The following GHR variants were observed in gnomAD, a reference collection of about 807,000 sequenced individuals.
GHR encodes growth hormone receptor, also known as GH receptor.
GHR carries 35 observed loss-of-function variants against 67.1 expected under a neutral mutation model. That is an observed-to-expected ratio of 0.52 (90% confidence interval 0.40 to 0.69). The LOEUF is 0.69. Ranked by LOEUF, GHR falls within the 30% of genes least tolerant of loss-of-function variation. The probability of loss-of-function intolerance (pLI) is 0.00; values close to 1 mark genes in which losing one functional copy is unlikely to be tolerated. For synonymous variants in GHR, 272 were observed against 269.1 expected (o/e 1.01, Z -0.10); for missense variants, 792 against 764.6 (o/e 1.04, Z -0.42).
intron 3 of GHR, among the ~76,000 whole-genome samples, chr5:42,670,871 A>AT (rs1181349214): frequency 1.1e-4 from 10 of 88,682 alleles, no homozygotes; most frequent in African/African-American, 3.6e-4. Context: ...AAATTAAAAA[A>AT]AAAAAAAAAA....
chr5:42,485,016 C>T (rs1027860721), intron 1 of GHR, among the ~76,000 whole-genome samples: 4 of 152,138 alleles, frequency 2.6e-5, no homozygotes, highest in Non-Finnish European at 1.5e-5. Flanking sequence ...GAGGTCTTTA[C>T]TGAAAGTTCA....
Position 42,473,309 on chromosome 5 carries a change from C to T in GHR, c.-12+49354C>T, listed in dbSNP as rs752189570. Among the ~76,000 whole-genome samples the T allele has an allele frequency of 4.4e-4, 67 of 152,160 alleles. 1 individual carries two copies. The highest frequency in any genetic ancestry group is 8.8e-5 in the Non-Finnish European group (6 of 68,034). ...GCAACGGCGCGATCTCGGGTCCCTG[C>T]AACCTCCGCCTCCCAGGTTCAAACA... On this transcript the variant is annotated intron_variant, in intron 1 of 9. Transcript: ENST00000230882.
chr5:42,544,395 T>C (rs1054459964), intron 1 of GHR, among the ~76,000 whole-genome samples: 13 of 152,296 alleles, frequency 8.5e-5, no homozygotes, highest in East Asian at 5.8e-4. Context: ...TTGTTAACAG[T>C]GAAACTGAAA....
intron 2 of GHR, among the ~76,000 whole-genome samples, chr5:42,585,606 G>T (rs1396423653): frequency 6.6e-6 from 1 of 152,120 alleles, no homozygotes; most frequent in Non-Finnish European, 1.5e-5. Flanking sequence ...TTTAAAGTTT[G>T]TTATTTTTGT....
chr5:42,484,035 C>T (rs1489655484), intron 1 of GHR, among the ~76,000 whole-genome samples: 3 of 151,988 alleles, frequency 2.0e-5, no homozygotes, highest in South Asian at 2.1e-4. Context: ...CTGTGCAGAA[C>T]GAGCACTAAG....
At chr5:42,491,727 G>C (rs1424781795) in intron 1 of GHR, among the ~76,000 whole-genome samples, 2 of 152,148 alleles carry the variant, frequency 1.3e-5, no homozygotes. Flanking sequence ...GAATTCCCCA[G>C]GCCCTCAAGA....
At chr5:42,442,575 G>A (rs2111961362) in intron 1 of GHR, among the ~76,000 whole-genome samples, 1 of 152,298 alleles carries the variant, frequency 6.6e-6, no homozygotes, top group East Asian at 1.9e-4. Context: ...GAGGAAATTT[G>A]TAATCAAAGT....
intron 3 of GHR, among the ~76,000 whole-genome samples, chr5:42,658,434 G>A (rs2112850972): frequency 6.6e-6 from 1 of 152,294 alleles, no homozygotes; most frequent in African/African-American, 2.4e-5. Flanking sequence ...CCACAGAAGA[G>A]TTGTGAAGAT....
At chr5:42,443,823 A>G in intron 1 of GHR, among the ~76,000 whole-genome samples, 1 of 152,124 alleles carries the variant, frequency 6.6e-6, no homozygotes, top group East Asian at 1.9e-4. Context: ...ATTGGAGGGC[A>G]GTTTACTTTA....
At chr5:42,487,750 T>A (rs919662219) in intron 1 of GHR, among the ~76,000 whole-genome samples, 1 of 152,232 alleles carries the variant, frequency 6.6e-6, no homozygotes, top group African/African-American at 2.4e-5. Flanking sequence ...ATTATATTCA[T>A]ATATTTCGTC....
rs1260407122 is a variant in GHR, at chr5:42,423,572, C to G, written c.-395C>G. 6.6e-6 allele frequency among the ~76,000 whole-genome samples: 1 copy of G among 152,092 alleles called. No individual in the cohort carries two copies. Among genetic ancestry groups the G allele is most frequent in the Admixed American group, 6.5e-5 (1 of 15,282 alleles). The stretch of plus-strand genomic sequence containing the variant: ...AACTGGCCTCCTTGAACGTCCGCTT[C>G]GCCTTCGCTTCTGCAACCTGGATCT... On this transcript the variant is annotated 5_prime_UTR_variant, in exon 1 of 10. Coordinates refer to ENST00000230882, the MANE Select transcript of GHR (RefSeq NM_000163.5).
chr5:42,568,561 A>T (rs1186685559), intron 2 of GHR, among the ~76,000 whole-genome samples: 1 of 152,202 alleles, frequency 6.6e-6, no homozygotes, highest in Non-Finnish European at 1.5e-5. Flanking sequence ...TAATGGATAT[A>T]AGTATTCTTC....
In GHR at chr5:42,427,422, A is replaced by G. The variant is rs190806350; in HGVS notation, c.-12+3467A>G. On this transcript the variant is annotated intron_variant, in intron 1 of 9. Coordinates refer to ENST00000230882, the MANE Select transcript of GHR (RefSeq NM_000163.5). The stretch of plus-strand genomic sequence containing the variant: ...CCATCAGATCTCATTAGACTTATTC[A>G]CTATCATGAGAACAACATGGGAAAA... 7.1e-3 allele frequency among the ~76,000 whole-genome samples: 1,074 copies of G among 152,320 alleles called. 5 individuals carry two copies. Among genetic ancestry groups the G allele is most frequent in the Middle Eastern group, 0.02 (6 of 294 alleles).
At chr5:42,525,852 C>T (rs535901744) in intron 1 of GHR, among the ~76,000 whole-genome samples, 104 of 152,196 alleles carry the variant, frequency 6.8e-4, no homozygotes, top group African/African-American at 2.3e-3. Context: ...TTTCTCTTGC[C>T]GCCACCATGT....
At chr5:42,713,609 C>T (rs906747428) in intron 8 of GHR, 90 bp downstream of exon 8, 1 of 758,652 alleles carries the variant, frequency 1.3e-6, no homozygotes, top group Admixed American at 1.8e-5. Flanking sequence ...TTTTCTTTGT[C>T]AAATTATGAG....
chr5:42,549,748 A>G (rs150464699), intron 1 of GHR: 10,830 of 731,328 alleles, frequency 0.015, 101 homozygotes, highest in Middle Eastern at 0.026. Context: ...CCTCTCTAAA[A>G]GTACTGGGGG....
At chr5:42,601,377 AGT>A (rs1329592764) in intron 2 of GHR, among the ~76,000 whole-genome samples, 1 of 152,130 alleles carries the variant, frequency 6.6e-6, no homozygotes, top group African/African-American at 2.4e-5. Flanking sequence ...CATAATTACT[AGT>A]ATAACTTTTT....
chr5:42,693,691 T>C (rs1424824784), intron 4 of GHR, among the ~76,000 whole-genome samples: 1 of 152,078 alleles, frequency 6.6e-6, no homozygotes, highest in Non-Finnish European at 1.5e-5. Context: ...ACAACCTGCA[T>C]TGTCTTCATT....
At chr5:42,684,380 A>T (rs544780294) in intron 3 of GHR, among the ~76,000 whole-genome samples, 13 of 152,350 alleles carry the variant, frequency 8.5e-5, no homozygotes, top group Non-Finnish European at 1.5e-4. Flanking sequence ...ACGAACAGTT[A>T]GAATGTGAAA....
Sources: allele counts gnomAD v4.1 joint callset (sites outside exome capture counted in the v4.1 genomes callset), GRCh38; gene constraint gnomAD v4.1.1; transcripts MANE v1.5; gene names NCBI Gene and HGNC (gene_info 2026-07-23, HGNC 2026-07-21).